The following ATP6V0D2 variants were observed in gnomAD, a reference collection of about 807,000 sequenced individuals.
ATP6V0D2 encodes the protein V-type proton ATPase subunit d 2.
A neutral mutation model predicts 40.0 loss-of-function variants in ATP6V0D2; 40 were observed. The observed-to-expected ratio is 1.00, with a 90% CI of 0.78 to 1.30. ATP6V0D2 has a LOEUF of 1.30. Among genes scored for constraint, ATP6V0D2 ranks in the 50% most tolerant of loss-of-function variants. The pLI is 0.00. For synonymous variants in ATP6V0D2, 179 were observed against 156.3 expected, an observed-to-expected ratio of 1.15 and a Z score of -1.08; for missense variants, 470 against 423.1, an observed-to-expected ratio of 1.11 and a Z score of -0.97.
chr8:86,101,462 G>GAAAAAAAAAA (rs59915079), intron 1 of ATP6V0D2, among the ~76,000 whole-genome samples: 1 of 78,196 alleles, frequency 1.3e-5, no homozygotes, highest in Non-Finnish European at 2.5e-5. Context: ...CCTGTCTCAG[G>GAAAAAAAAAA]AAAAAAAAAA....
At chr8:86,151,885 A>G (rs1473057993) in intron 7 of ATP6V0D2, among the ~76,000 whole-genome samples, 2 of 151,688 alleles carry the variant, frequency 1.3e-5, no homozygotes, top group Non-Finnish European at 2.9e-5. Context: ...ATTTTAGTGT[A>G]AAATTTTGGT....
intron 2 of ATP6V0D2, among the ~76,000 whole-genome samples, chr8:86,134,171 T>G (rs1818865651): frequency 2.0e-5 from 3 of 152,068 alleles, no homozygotes; most frequent in African/African-American, 4.8e-5. Context: ...GTAGTATTTT[T>G]CAAGCACTAA....
chr8:86,105,545 A>T (rs1586084417), intron 1 of ATP6V0D2, among the ~76,000 whole-genome samples: 1 of 150,288 alleles, frequency 6.7e-6, no homozygotes, highest in South Asian at 2.1e-4. Flanking sequence ...TGATCTGCCC[A>T]CCTCAGCCTC....
intron 2 of ATP6V0D2, among the ~76,000 whole-genome samples, chr8:86,127,402 G>A (rs552761899): frequency 1.3e-5 from 2 of 151,932 alleles, no homozygotes; most frequent in South Asian, 4.2e-4. Context: ...GTAAATGAAA[G>A]GTGCCTTTCA....
intron 2 of ATP6V0D2, among the ~76,000 whole-genome samples, chr8:86,116,985 A>G (rs886610469): frequency 6.6e-6 from 1 of 152,120 alleles, no homozygotes; most frequent in Non-Finnish European, 1.5e-5. Flanking sequence ...ATCATTTCAT[A>G]TTTATTATTT....
chr8:86,137,774 A>G (rs1395887428), intron 2 of ATP6V0D2, among the ~76,000 whole-genome samples: 1 of 152,118 alleles, frequency 6.6e-6, no homozygotes, highest in East Asian at 1.9e-4. Context: ...TCAGAAGCAG[A>G]CTGCCTGAGT....
intron 2 of ATP6V0D2, among the ~76,000 whole-genome samples, chr8:86,120,155 T>G (rs571494711): frequency 1.3e-5 from 2 of 152,162 alleles, no homozygotes; most frequent in South Asian, 4.1e-4. Flanking sequence ...CCCAGCACTT[T>G]GGGAGGCCAA....
At chr8:86,135,008 G>A (rs141975708) in intron 2 of ATP6V0D2, among the ~76,000 whole-genome samples, 26 of 151,134 alleles carry the variant, frequency 1.7e-4, no homozygotes, top group South Asian at 8.4e-4. Flanking sequence ...GAACTGATTC[G>A]CATTTTCTAG....
At chr8:86,137,511 G>A (rs1309269993) in intron 2 of ATP6V0D2, among the ~76,000 whole-genome samples, 2 of 151,974 alleles carry the variant, frequency 1.3e-5, no homozygotes, top group African/African-American at 2.4e-5. Context: ...CTCCTGACCC[G>A]CTCGCCCAAA....
chr8:86,146,315 C>T (rs760527845), intron 5 of ATP6V0D2, among the ~76,000 whole-genome samples: 5 of 152,026 alleles, frequency 3.3e-5, no homozygotes, highest in African/African-American at 4.8e-5. Flanking sequence ...GATCAAACTA[C>T]GATATGCCCA....
At chr8:86,151,347 A>G (rs927979967) in intron 6 of ATP6V0D2, 119 bp from the exon 7 acceptor site, 5 of 725,686 alleles carry the variant, frequency 6.9e-6, no homozygotes, top group Admixed American at 3.4e-5. Context: ...AAAAACATTC[A>G]GTCCTCCTGG....
rs79479795 is a variant in ATP6V0D2 at position 86,144,007 on chromosome 8, C to T, written c.639+1053C>T. On this transcript the variant is annotated intron_variant, in intron 5 of 7. Coordinates refer to ENST00000285393, the MANE Select transcript of ATP6V0D2 (RefSeq NM_152565.1). Reference sequence around the variant, plus strand: ...CTGCCCCAAGCAACCCATGAACATTCCAGCTTTTGGCAGGAAGACTCATTT... The same window carrying T: ...CTGCCCCAAGCAACCCATGAACATTTCAGCTTTTGGCAGGAAGACTCATTT... Among the ~76,000 whole-genome samples the T allele has an allele frequency of 4.9e-3, 748 of 152,266 alleles. 3 individuals are homozygous for T. Among genetic ancestry groups the T allele is most frequent in the Middle Eastern group, 0.014 (4 of 294 alleles).
At chr8:86,114,018 T>C in intron 2 of ATP6V0D2, 138 bp downstream of exon 2, 1 of 759,676 alleles carries the variant, frequency 1.3e-6, no homozygotes, top group Middle Eastern at 2.6e-4. Flanking sequence ...ATTCACATTT[T>C]AGCAACTGAT....
intron 2 of ATP6V0D2, among the ~76,000 whole-genome samples, chr8:86,136,993 C>T (rs897795476): frequency 6.6e-6 from 1 of 152,120 alleles, no homozygotes; most frequent in African/African-American, 2.4e-5. Context: ...TCTCTTCCTC[C>T]CACCCTAAAA....
intron 6 of ATP6V0D2, 54 bp from the exon 7 acceptor site, chr8:86,151,412 T>C: frequency 6.0e-6 from 7 of 1,159,822 alleles, no homozygotes; most frequent in South Asian, 1.5e-5. Flanking sequence ...AATATATTTA[T>C]ATACATTTAT....
intron 2 of ATP6V0D2, among the ~76,000 whole-genome samples, chr8:86,129,236 G>A (rs772372170): frequency 2.6e-5 from 4 of 152,220 alleles, no homozygotes; most frequent in Admixed American, 6.5e-5. Context: ...AGGTTTATCT[G>A]TTTCAAAGCC....
chr8:86,151,213 A>G, intron 6 of ATP6V0D2, among the ~76,000 whole-genome samples: 1 of 148,688 alleles, frequency 6.7e-6, no homozygotes, highest in Admixed American at 6.7e-5. Context: ...AAATGAGCTC[A>G]AACACTGTAT....
intron 2 of ATP6V0D2, among the ~76,000 whole-genome samples, chr8:86,130,467 A>G (rs1202853042): frequency 6.6e-6 from 1 of 152,206 alleles, no homozygotes; most frequent in Non-Finnish European, 1.5e-5. Flanking sequence ...AAATTAAATT[A>G]TGTTAAAAAT....
chr8:86,113,682 C>T, intron 1 of ATP6V0D2, 27 bp from the exon 2 acceptor site: 1 of 1,556,132 alleles, frequency 6.4e-7, no homozygotes, highest in Non-Finnish European at 8.7e-7. Flanking sequence ...AAAATTTAAC[C>T]TGAATTGGGG....
Sources: gnomAD v4.1 joint callset for allele counts (sites outside exome capture counted in the v4.1 genomes callset) on GRCh38, gnomAD v4.1.1 for gene constraint, MANE v1.5 for transcripts, NCBI Gene and HGNC (gene_info 2026-07-23, HGNC 2026-07-21) for gene names.